The following TBC1D1 variants were observed in gnomAD, a reference collection of about 807,000 sequenced individuals.
The protein encoded by TBC1D1 is TBC1 domain family member 1, also known as TBC1 (tre-2/USP6, BUB2, cdc16) domain family, member 1.
Under a neutral mutation model 125.6 loss-of-function variants are expected in TBC1D1, and 89 were observed. The observed-to-expected ratio is 0.71, with a 90% CI of 0.60 to 0.85. The LOEUF is 0.85. TBC1D1 is among the 40% of genes least tolerant of loss of function. The pLI, the probability that TBC1D1 is intolerant of heterozygous loss-of-function variation, is 0.00. For missense variants in TBC1D1, 1,377 were observed against 1,469.2 expected, an observed-to-expected ratio of 0.94 and a Z score of 1.03; for synonymous variants, 565 against 564.1, an observed-to-expected ratio of 1.00 and a Z score of -0.02.
chr4:38,109,132 T>C (rs1223773264), intron 15 of TBC1D1, among the ~76,000 whole-genome samples: 1 of 152,194 alleles, frequency 6.6e-6, no homozygotes, highest in Admixed American at 6.5e-5. Context: ...GAAAGGGACC[T>C]AGAATGTAAC....
chr4:38,119,783 A>T (rs1282650536), intron 17 of TBC1D1, among the ~76,000 whole-genome samples: 1 of 152,204 alleles, frequency 6.6e-6, no homozygotes, highest in Non-Finnish European at 1.5e-5. Flanking sequence ...CTGTTTGTTA[A>T]TGGTTTGTAA....
intron 3 of TBC1D1, 30 bp downstream of exon 3, chr4:38,015,003 C>G (rs774340807): frequency 4.0e-6 from 6 of 1,499,820 alleles, no homozygotes; most frequent in African/African-American, 1.4e-5. Context: ...GTGCACAGCC[C>G]CAGTCTGCCA....
intron 2 of TBC1D1, among the ~76,000 whole-genome samples, chr4:37,924,395 C>T (rs1721647190): frequency 2.0e-5 from 3 of 152,088 alleles, no homozygotes. Flanking sequence ...AACATAAATC[C>T]GTCATTTTAA....
chr4:38,088,568 C>T (rs1231419083), intron 12 of TBC1D1, among the ~76,000 whole-genome samples: 3 of 152,186 alleles, frequency 2.0e-5, no homozygotes, highest in Non-Finnish European at 4.4e-5. Flanking sequence ...CTGGTTAGGG[C>T]TTACAGTTGA....
intron 5 of TBC1D1, 81 bp from the exon 6 acceptor site, chr4:38,021,505 T>G: frequency 1.5e-6 from 2 of 1,312,366 alleles, no homozygotes; most frequent in Non-Finnish European, 2.0e-6. Flanking sequence ...AAAAATCTTT[T>G]CCAAAGATTT....
intron 14 of TBC1D1, 115 bp from the exon 17 acceptor site, chr4:38,102,884 A>T: frequency 8.2e-7 from 1 of 1,218,606 alleles, no homozygotes; most frequent in East Asian, 2.7e-5. Context: ...CTGTCTCAAA[A>T]AAAAAAAAAA....
At chr4:37,930,750 G>T (rs1723094110) in intron 2 of TBC1D1, among the ~76,000 whole-genome samples, 1 of 152,190 alleles carries the variant, frequency 6.6e-6, no homozygotes, top group African/African-American at 2.4e-5. Flanking sequence ...TTAGCCATCT[G>T]AAGATTTTAT....
intron 2 of TBC1D1, among the ~76,000 whole-genome samples, chr4:37,949,758 C>T (rs749712825): frequency 5.3e-5 from 8 of 152,208 alleles, no homozygotes; most frequent in Non-Finnish European, 8.8e-5. Flanking sequence ...TATGTAGCAA[C>T]TATTCAACTC....
chr4:38,122,745 C>G (rs769082971), intron 17 of TBC1D1, among the ~76,000 whole-genome samples: 2 of 152,184 alleles, frequency 1.3e-5, no homozygotes, highest in African/African-American at 2.4e-5. Context: ...GTAGAAGACA[C>G]CTCTCAGCAG....
At chr4:37,899,847 G>A (rs1239108395) in intron 1 of TBC1D1, among the ~76,000 whole-genome samples, 1 of 151,780 alleles carries the variant, frequency 6.6e-6, no homozygotes, top group Non-Finnish European at 1.5e-5. Context: ...GTGGCCGGGC[G>A]CGGTGGCTCA....
rs1560520854 is a variant in TBC1D1, at chr4:37,951,119, A to G, written c.417+48607A>G. On this transcript the variant is annotated intron_variant, in intron 2 of 19. Coordinates refer to ENST00000261439, the MANE Select transcript of TBC1D1 (RefSeq NM_015173.4). Reference sequence around the variant, plus strand: ...GAAATATAAATAGCTGAACAATACAATGTACTTTTCCCCAGTTTGGCCTTG... The same window carrying G: ...GAAATATAAATAGCTGAACAATACAGTGTACTTTTCCCCAGTTTGGCCTTG... Among the ~76,000 whole-genome samples, 6 of 152,168 alleles carry G rather than the reference A, an allele frequency of 3.9e-5. No homozygotes were observed. In the South Asian group the frequency reaches 1.0e-3, roughly 26 times the overall value.
At chr4:38,085,320 C>G (rs1203282926) in intron 12 of TBC1D1, among the ~76,000 whole-genome samples, 1 of 152,094 alleles carries the variant, frequency 6.6e-6, no homozygotes, top group Non-Finnish European at 1.5e-5. Flanking sequence ...TTCTGAAAGG[C>G]TACATAATTT....
At chr4:38,117,031 C>G (rs1254610802) in intron 16 of TBC1D1, among the ~76,000 whole-genome samples, 2 of 152,194 alleles carry the variant, frequency 1.3e-5, no homozygotes, top group Admixed American at 1.3e-4. Context: ...TTCCTACATT[C>G]CCTTTATTAA....
intron 2 of TBC1D1, among the ~76,000 whole-genome samples, chr4:37,983,239 C>T (rs1021689579): frequency 6.6e-5 from 10 of 151,626 alleles, no homozygotes; most frequent in Non-Finnish European, 1.5e-4. Flanking sequence ...CCTCAGCTCC[C>T]GAGTAGCTGG....
chr4:38,085,809 A>G (rs972140280), intron 12 of TBC1D1, among the ~76,000 whole-genome samples: 2 of 152,220 alleles, frequency 1.3e-5, no homozygotes, highest in African/African-American at 4.8e-5. Flanking sequence ...CTTAGGAATG[A>G]TGCAAGTGAA....
chr4:37,903,805 G>T (rs1340746127), intron 2 of TBC1D1, among the ~76,000 whole-genome samples: 1 of 152,160 alleles, frequency 6.6e-6, no homozygotes, highest in Non-Finnish European at 1.5e-5. Context: ...ATAGGACCAG[G>T]TGATCTATGT....
chr4:38,059,817 A>G (rs1322424843), intron 12 of TBC1D1, among the ~76,000 whole-genome samples: 3 of 152,080 alleles, frequency 2.0e-5, no homozygotes, highest in Non-Finnish European at 2.9e-5. Context: ...GTACCTATCA[A>G]CCCATCACCT....
chr4:38,014,455 G>T lies in TBC1D1; in HGVS notation c.418-54G>T. 1 of 1,553,836 alleles carries T rather than the reference G, an allele frequency of 6.4e-7. No individual in the cohort carries two copies. Among genetic ancestry groups the T allele is most frequent in the East Asian group, 2.3e-5 (1 of 44,280 alleles). ...CGAAAGAGCATGGTGCATTCATTCC[G>T]TGAGTGCCAGCCACACTGCATGTTC... On this transcript the variant is annotated intron_variant, in intron 2 of 19. Coordinates refer to ENST00000261439, the MANE Select transcript of TBC1D1 (RefSeq NM_015173.4). The surrounding 1 kb of genome is among the most constrained non-coding windows in gnomAD (Gnocchi z 5.1).
intron 12 of TBC1D1, among the ~76,000 whole-genome samples, chr4:38,055,445 A>C (rs1366668905): frequency 1.3e-5 from 2 of 152,050 alleles, no homozygotes; most frequent in Non-Finnish European, 2.9e-5. Context: ...TTACTGATAC[A>C]TTTTTTTTAA....
Sources: allele counts gnomAD v4.1 joint callset (sites outside exome capture counted in the v4.1 genomes callset), GRCh38; gene constraint gnomAD v4.1.1; non-coding constraint Gnocchi (gnomAD v3.1); transcripts MANE v1.5; gene names NCBI Gene and HGNC (gene_info 2026-07-23, HGNC 2026-07-21).